The following LRP1B variants were observed in gnomAD, a reference collection of about 807,000 sequenced individuals.
LRP1B encodes the protein low-density lipoprotein receptor-related protein 1B.
Under a neutral mutation model 556.6 loss-of-function variants are expected in LRP1B, and 217 were observed. The ratio of observed to expected loss-of-function variants is 0.39; its 90% confidence interval spans 0.35 to 0.44. The LOEUF is 0.44. LRP1B is among the 20% of genes least tolerant of loss of function. The probability of loss-of-function intolerance (pLI) is 1.00; values close to 1 mark genes in which losing one functional copy is unlikely to be tolerated. For synonymous variants in LRP1B, 2,047 were observed against 1,865.8 expected (o/e 1.10, Z -2.50); for missense variants, 5,053 against 5,620.8 (o/e 0.90, Z 3.23).
At chr2:141,404,469 A>G in intron 3 of LRP1B, among the ~76,000 whole-genome samples, 1 of 152,216 alleles carries the variant, frequency 6.6e-6, no homozygotes, top group East Asian at 1.9e-4. Context: ...AGTTCTAAGC[A>G]TCTAACATAT....
intron 1 of LRP1B, among the ~76,000 whole-genome samples, chr2:142,125,204 T>C (rs1030080047): frequency 2.0e-5 from 3 of 151,772 alleles, no homozygotes; most frequent in African/African-American, 7.2e-5. Flanking sequence ...TTTAAAATTG[T>C]GAGGGCAGAT....
At chr2:140,316,591 A>G (rs1463663638) in intron 82 of LRP1B, among the ~76,000 whole-genome samples, 1 of 152,130 alleles carries the variant, frequency 6.6e-6, no homozygotes, top group African/African-American at 2.4e-5. Flanking sequence ...CAGTGGTATA[A>G]TGAGACCCGT....
intron 2 of LRP1B, among the ~76,000 whole-genome samples, chr2:141,493,217 A>C (rs1417215612): frequency 6.6e-6 from 1 of 152,126 alleles, no homozygotes; most frequent in African/African-American, 2.4e-5. Context: ...TGTCTTCAAA[A>C]CCTGGTTTCT....
chr2:140,801,410 A>G (rs1266311240), intron 32 of LRP1B, among the ~76,000 whole-genome samples: 1 of 152,172 alleles, frequency 6.6e-6, no homozygotes, highest in East Asian at 1.9e-4. Context: ...TACATAAAGA[A>G]GGAACAGTTT....
intron 85 of LRP1B, among the ~76,000 whole-genome samples, chr2:140,272,946 G>T (rs1449698124): frequency 6.6e-6 from 1 of 151,936 alleles, no homozygotes; most frequent in African/African-American, 2.4e-5. Flanking sequence ...CACCTCAATA[G>T]CCTGCTCATT....
intron 32 of LRP1B, among the ~76,000 whole-genome samples, chr2:140,812,312 C>G (rs576005113): frequency 6.6e-6 from 1 of 152,112 alleles, no homozygotes; most frequent in East Asian, 1.9e-4. Flanking sequence ...ATTTTAATGT[C>G]TATATTTCCC....
chr2:141,433,928 C>T lies in LRP1B; in HGVS notation c.343+46468G>A, dbSNP rs148237398. Among the ~76,000 whole-genome samples the T allele has an allele frequency of 3.9e-3, 596 of 150,992 alleles. 5 individuals carry two copies. The highest frequency in any genetic ancestry group is 0.014 in the African/African-American group (577 of 41,084). On this transcript the variant is annotated intron_variant, in intron 3 of 90. Transcript: ENST00000389484. ...TTTCAGTACTTTGAACATGTCATTT[C>T]ACTATCTAATGGTCTCTATTCTAAC... is the stretch of plus-strand genomic sequence containing the variant.
chr2:141,288,319 T>C lies in LRP1B; in HGVS notation c.344-33678A>G, dbSNP rs918208652. 4.6e-5 allele frequency among the ~76,000 whole-genome samples: 7 copies of C among 152,196 alleles called. No homozygotes were observed. The East Asian group carries it at 1.3e-3, about 29-fold the overall frequency. On this transcript the variant is annotated intron_variant, in intron 3 of 90. Transcript: ENST00000389484. Reference sequence around the variant, plus strand: ...AAAATCTTTTATATTTACCCAGATATTAAGGCTGGAAGAAAGAAGTTAACA... The same window carrying C: ...AAAATCTTTTATATTTACCCAGATACTAAGGCTGGAAGAAAGAAGTTAACA...
intron 43 of LRP1B, among the ~76,000 whole-genome samples, chr2:140,588,966 GAAA>G (rs34845216): frequency 2.3e-4 from 31 of 134,012 alleles, no homozygotes; most frequent in African/African-American, 7.2e-4. Context: ...CCGTCTCAAA[GAAA>G]AAAAAAAAAA....
At chr2:140,722,166 G>A (rs72981840) in intron 35 of LRP1B, among the ~76,000 whole-genome samples, 12,128 of 152,170 alleles carry the variant, frequency 0.08, 601 homozygotes, top group East Asian at 0.22. Context: ...ATGACCATTA[G>A]ATTCATCTTT....
chr2:141,997,656 T>TATA (rs1484208089), intron 1 of LRP1B, among the ~76,000 whole-genome samples: 2 of 148,564 alleles, frequency 1.3e-5, no homozygotes, highest in African/African-American at 4.9e-5. Flanking sequence ...CCCATATATA[T>TATA]ATATATATAT....
chr2:141,924,810 T>C (rs1700290234), intron 1 of LRP1B, among the ~76,000 whole-genome samples: 1 of 152,098 alleles, frequency 6.6e-6, no homozygotes, highest in Non-Finnish European at 1.5e-5. Context: ...TTTTAAACAG[T>C]AGGGGGAAGA....
intron 1 of LRP1B, among the ~76,000 whole-genome samples, chr2:141,939,757 A>G (rs1203884543): frequency 1.3e-5 from 2 of 152,048 alleles, no homozygotes; most frequent in Non-Finnish European, 2.9e-5. Flanking sequence ...ATGTCATGTT[A>G]ATATATTGAA....
At chr2:142,056,010 G>A (rs1350888461) in intron 1 of LRP1B, among the ~76,000 whole-genome samples, 2 of 152,060 alleles carry the variant, frequency 1.3e-5, no homozygotes, top group Non-Finnish European at 2.9e-5. Context: ...AATTAGCTGG[G>A]CGTGGTATCG....
chr2:141,578,455 T>C (rs1335761382), intron 2 of LRP1B, among the ~76,000 whole-genome samples: 1 of 151,610 alleles, frequency 6.6e-6, no homozygotes, highest in Non-Finnish European at 1.5e-5. Flanking sequence ...CCATCTTTGC[T>C]TGAAGAAAAT....
intron 1 of LRP1B, among the ~76,000 whole-genome samples, chr2:142,029,956 A>G (rs1268708797): frequency 6.6e-6 from 1 of 151,598 alleles, no homozygotes; most frequent in Non-Finnish European, 1.5e-5. Context: ...CTTGCTGAAC[A>G]CTGACCTTAA....
chr2:140,555,357 T>C (rs1680695511), intron 43 of LRP1B, among the ~76,000 whole-genome samples: 1 of 152,114 alleles, frequency 6.6e-6, no homozygotes, highest in African/African-American at 2.4e-5. Flanking sequence ...CCAATTTAAT[T>C]TGACATTCCA....
intron 23 of LRP1B, among the ~76,000 whole-genome samples, chr2:140,887,187 A>C (rs1693662283): frequency 6.6e-6 from 1 of 152,180 alleles, no homozygotes; most frequent in South Asian, 2.1e-4. Flanking sequence ...ATATATCAAA[A>C]ACAGGTACAG....
chr2:140,450,830 G>A (rs1686855282), intron 62 of LRP1B, among the ~76,000 whole-genome samples, 169 bp from the exon 63 acceptor site: 1 of 152,178 alleles, frequency 6.6e-6, no homozygotes, highest in Non-Finnish European at 1.5e-5. Context: ...GCCACAACGT[G>A]ATCTTCCAGG....
Sources: allele counts gnomAD v4.1 joint callset (sites outside exome capture counted in the v4.1 genomes callset), GRCh38; gene constraint gnomAD v4.1.1; transcripts MANE v1.5; gene names NCBI Gene and HGNC (gene_info 2026-07-23, HGNC 2026-07-21).